Variants in LIMCH1 observed in about 807,000 individuals in gnomAD.
The protein encoded by LIMCH1 is LIM and calponin homology domains-containing protein 1.
In LIMCH1, 113 loss-of-function variants were observed where a neutral mutation model predicts 176.5. The observed-to-expected ratio is 0.64, with a 90% confidence interval of 0.55 to 0.75. LIMCH1 has a LOEUF of 0.75. LIMCH1 is among the 30% of genes least tolerant of loss of function. LIMCH1 has a pLI of 0.00. For missense variants in LIMCH1, 1,674 were observed against 1,814.9 expected (o/e 0.92, Z 1.41); for synonymous variants, 619 against 645.9 (o/e 0.96, Z 0.63).
intron 1 of LIMCH1, among the ~76,000 whole-genome samples, chr4:41,392,631 G>A (rs188596176): frequency 2.0e-4 from 31 of 152,322 alleles, no homozygotes; most frequent in Middle Eastern, 3.4e-3. Context: ...CTTACATTAT[G>A]AGAGGCATGT....
At chr4:41,543,103 A>G (rs2078892715) in intron 1 of LIMCH1, among the ~76,000 whole-genome samples, 1 of 152,206 alleles carries the variant, frequency 6.6e-6, no homozygotes, top group Non-Finnish European at 1.5e-5. Flanking sequence ...AAGGTAACGC[A>G]TGGAACTATG....
intron 31 of LIMCH1, among the ~76,000 whole-genome samples, chr4:41,695,992 G>A (rs1026106139): frequency 2.0e-5 from 3 of 152,096 alleles, no homozygotes; most frequent in Admixed American, 1.3e-4. Context: ...GAGATGGATA[G>A]ATGTGAAGGG....
intron 2 of LIMCH1, among the ~76,000 whole-genome samples, chr4:41,507,232 G>C (rs1486463319): frequency 6.6e-6 from 1 of 152,178 alleles, no homozygotes; most frequent in East Asian, 1.9e-4. Context: ...CAGCAACCCA[G>C]TATATCTTCA....
chr4:41,459,081 A>G (rs1293187877), intron 1 of LIMCH1, among the ~76,000 whole-genome samples: 1 of 152,154 alleles, frequency 6.6e-6, no homozygotes, highest in Non-Finnish European at 1.5e-5. Flanking sequence ...CATGCTTGGC[A>G]CTGTACAAGT....
chr4:41,650,745 AC>A, intron 18 of LIMCH1, 137 bp downstream of exon 18: 1 of 726,926 alleles, frequency 1.4e-6, no homozygotes, highest in Non-Finnish European at 2.2e-6. Context: ...TGCTGTAAGT[AC>A]CACAAACTCA....
chr4:41,469,058 T>C (rs996541423), intron 1 of LIMCH1, among the ~76,000 whole-genome samples: 1 of 152,192 alleles, frequency 6.6e-6, no homozygotes, highest in Non-Finnish European at 1.5e-5. Flanking sequence ...ATATTTGTAA[T>C]GATGTTGCAG....
chr4:41,588,627 T>C (rs2086913142), intron 1 of LIMCH1, among the ~76,000 whole-genome samples: 1 of 152,216 alleles, frequency 6.6e-6, no homozygotes, highest in South Asian at 2.1e-4. Flanking sequence ...TCATCTTGAC[T>C]TCTCATGGAA....
intron 1 of LIMCH1, among the ~76,000 whole-genome samples, chr4:41,375,491 A>G (rs1043788035): frequency 8.5e-5 from 13 of 152,246 alleles, no homozygotes; most frequent in Non-Finnish European, 1.5e-4. Flanking sequence ...ACACTGAATT[A>G]CTGTAACTTT....
chr4:41,663,807 C>T (rs2094716682), intron 20 of LIMCH1, among the ~76,000 whole-genome samples: 1 of 138,678 alleles, frequency 7.2e-6, no homozygotes, highest in African/African-American at 2.8e-5. Context: ...CACTTGAGCC[C>T]AGGAGTTCAA....
chr4:41,657,803 C>T (rs2094504462), intron 18 of LIMCH1, among the ~76,000 whole-genome samples: 1 of 152,050 alleles, frequency 6.6e-6, no homozygotes, highest in South Asian at 2.1e-4. Context: ...AGAACGTGGA[C>T]TGAACAGAAA....
At position 41,419,650 on chromosome 4, in the gene LIMCH1, CTCCTTCCT is replaced by C. The variant is rs1189243700; in HGVS notation, c.96+58739_96+58746del. 5.1e-4 allele frequency among the ~76,000 whole-genome samples: 29 copies of C among 56,342 alleles called. 1 individual carries two copies. Among genetic ancestry groups the C allele is most frequent in the East Asian group, 2.3e-3 (5 of 2,188 alleles). 37.0% of individuals were successfully genotyped at this position (56,342 alleles called of 152,430 possible). ...TCCTTCCTTCCTCCTTCCTTTCTTC[CTCCTTCCT>C]TCCTTCCTTCCTTCCTTCCTTCCTC... On this transcript the variant is annotated intron_variant, in intron 1 of 26. Transcript: ENST00000313860.
rs10709122 is a variant in LIMCH1, at chr4:41,697,370, GTTT to G, written c.*199_*201del. On this transcript the variant is annotated 3_prime_UTR_variant, in exon 32 of 32. Transcript: ENST00000503057. ...TATGTTTTTCCTGTTTATTGTTTTGGTTTTTTTTTTTTTTTTGCATTTGCACAG... is the reference window on the plus strand; with the variant it reads ...TATGTTTTTCCTGTTTATTGTTTTGGTTTTTTTTTTTTTGCATTTGCACAG... 6.1e-3 allele frequency: 2,725 copies of G among 449,396 alleles called. 18 individuals carry two copies. Among genetic ancestry groups the G allele is most frequent in the African/African-American group, 0.033 (1,503 of 45,286 alleles). 27.8% of individuals were successfully genotyped at this position (449,396 alleles called of 1,614,324 possible). A position where few individuals can be genotyped will look rare whatever the true frequency, so the allele number is the denominator to read the frequency against.
chr4:41,662,353 T>C (rs1476453345), intron 19 of LIMCH1, among the ~76,000 whole-genome samples: 2 of 152,166 alleles, frequency 1.3e-5, no homozygotes, highest in African/African-American at 4.8e-5. Flanking sequence ...ATTATATACA[T>C]ATACCCCACA....
chr4:41,527,822 CAAAAAAAAA>C lies in LIMCH1; in HGVS notation c.237+3363_237+3371del, dbSNP rs34651693. 5.1e-4 allele frequency among the ~76,000 whole-genome samples: 24 copies of C among 47,118 alleles called. 1 individual carries two copies. The highest frequency in any genetic ancestry group is 1.3e-3 in the African/African-American group (22 of 16,810). The allele number at this position is 47,118 out of a possible 152,430, so 30.9% of individuals were successfully genotyped here. A position where few individuals can be genotyped will look rare whatever the true frequency, so the allele number is the denominator to read the frequency against. Reference sequence around the variant, plus strand: ...TGGGCGACAGAGCGAGACTCCGTCTCAAAAAAAAAAAAAAAAAAAAAAAAAAACTGCCCC... The same window carrying C: ...TGGGCGACAGAGCGAGACTCCGTCTCAAAAAAAAAAAAAAAAAACTGCCCC... On this transcript the variant is annotated intron_variant, in intron 3 of 26. Coordinates refer to the LIMCH1 transcript ENST00000313860.
At chr4:41,647,431 TG>T (rs2152931369) in intron 17 of LIMCH1, among the ~76,000 whole-genome samples, 1 of 152,356 alleles carries the variant, frequency 6.6e-6, no homozygotes, top group East Asian at 1.9e-4. Flanking sequence ...GGTCCTCAAA[TG>T]AGACAGGTTT....
Position 41,657,569 on chromosome 4 carries a change from T to C in LIMCH1, c.3037-3851T>C, listed in dbSNP as rs149747202. On this transcript the variant is annotated intron_variant, in intron 18 of 31. Coordinates refer to ENST00000503057, the MANE Select transcript of LIMCH1 (RefSeq NM_001330672.2). ...AATGCTAACATTTTTAGAAAATGTA[T>C]ATCCTTCTTTTTCTCAGTGTGTATA... 9.5e-3 allele frequency among the ~76,000 whole-genome samples: 1,444 copies of C among 152,354 alleles called. 9 individuals carry two copies. Among genetic ancestry groups the C allele is most frequent in the East Asian group, 0.023 (118 of 5,188 alleles).
chr4:41,580,700 A>T (rs1278534419), intron 1 of LIMCH1, among the ~76,000 whole-genome samples: 1 of 152,188 alleles, frequency 6.6e-6, no homozygotes, highest in Non-Finnish European at 1.5e-5. Context: ...AAAGGGATAG[A>T]ATAATGGATA....
chr4:41,615,668 G>C (rs554473667), intron 5 of LIMCH1, among the ~76,000 whole-genome samples: 1 of 152,260 alleles, frequency 6.6e-6, no homozygotes, highest in East Asian at 1.9e-4. Flanking sequence ...AGCGTTTATA[G>C]TATGTTTTTA....
chr4:41,502,593 A>G (rs1377746982), intron 2 of LIMCH1, among the ~76,000 whole-genome samples: 3 of 152,270 alleles, frequency 2.0e-5, no homozygotes, highest in Admixed American at 2.0e-4. Flanking sequence ...TTTAATAATC[A>G]CTATTCTGAC....
Sources: gnomAD v4.1 joint callset for allele counts (sites outside exome capture counted in the v4.1 genomes callset) on GRCh38, gnomAD v4.1.1 for gene constraint, MANE v1.5 for transcripts, NCBI Gene and HGNC (gene_info 2026-07-23, HGNC 2026-07-21) for gene names.